The following UST variants were observed in gnomAD, a reference collection of about 807,000 sequenced individuals.
The protein encoded by UST is chondroitin sulfate 2-O-sulfotransferase.
In UST, 21 loss-of-function variants were observed where a neutral mutation model predicts 45.6. The observed-to-expected ratio is 0.46, with a 90% CI of 0.33 to 0.66. UST has a LOEUF of 0.66. Ranked by LOEUF, UST falls within the 30% of genes least tolerant of loss-of-function variation. UST has a pLI of 0.02. For missense variants in UST, 463 were observed against 512.4 expected (o/e 0.90, Z 0.93); for synonymous variants, 215 against 200.6 (o/e 1.07, Z -0.61).
At chr6:148,910,269 TA>T (rs1188874849) in intron 2 of UST, among the ~76,000 whole-genome samples, 14 of 151,952 alleles carry the variant, frequency 9.2e-5, no homozygotes, top group Non-Finnish European at 1.3e-4. Context: ...GCCTCCCAAG[TA>T]GCTGGGATAA....
At chr6:148,838,210 G>T (rs1007936534) in intron 1 of UST, among the ~76,000 whole-genome samples, 1 of 152,210 alleles carries the variant, frequency 6.6e-6, no homozygotes, top group Non-Finnish European at 1.5e-5. Flanking sequence ...CCACATGAAG[G>T]CCTGAGGGCG....
At position 148,926,949 on chromosome 6, in the gene UST, G is replaced by GTT. The variant is rs5880818; in HGVS notation, c.292-14322_292-14321dup. ...TAGTTAGTAATAGGTTTGAAAAAAT[G>GTT]TTTTTTTTTCATATTGAAGGTGAGG... is the stretch of plus-strand genomic sequence containing the variant. On this transcript the variant is annotated intron_variant, in intron 2 of 7. Coordinates refer to ENST00000367463, the MANE Select transcript of UST (RefSeq NM_005715.3). Among the ~76,000 whole-genome samples, 679 of 150,878 alleles carry GTT rather than the reference G, an allele frequency of 4.5e-3. 1 individual carries two copies. The highest frequency in any genetic ancestry group is 0.015 in the African/African-American group (613 of 41,092).
rs1776867069 is a variant in UST, at chr6:149,074,715, ACAGAGTGAGACTCTGT to A, written c.*601_*616del. The A allele has an allele frequency of 6.6e-6, 1 of 152,466 alleles. No individual in the cohort carries two copies. Among genetic ancestry groups the A allele is most frequent in the Non-Finnish European group, 1.5e-5 (1 of 68,370 alleles). The allele number at this position is 152,466 out of a possible 1,614,324, so 9.4% of individuals were successfully genotyped here. A position where few individuals can be genotyped will look rare whatever the true frequency, so the allele number is the denominator to read the frequency against. The stretch of plus-strand genomic sequence containing the variant: ...ACACCACTGCACTCCAGCCTGGGTG[ACAGAGTGAGACTCTGT>A]CTCAATTAATTTTTTTTTTTTAAAG... On this transcript the variant is annotated 3_prime_UTR_variant, in exon 8 of 8. Coordinates refer to ENST00000367463, the MANE Select transcript of UST (RefSeq NM_005715.3).
intron 7 of UST, among the ~76,000 whole-genome samples, chr6:149,072,910 A>G (rs58229843): frequency 0.041 from 6,178 of 152,284 alleles, 414 homozygotes; most frequent in African/African-American, 0.14. Flanking sequence ...AAGTTTTTGT[A>G]TAGACTCATG....
chr6:149,011,538 C>A (rs969307226), intron 5 of UST, among the ~76,000 whole-genome samples: 7 of 152,186 alleles, frequency 4.6e-5, no homozygotes, highest in African/African-American at 1.7e-4. Flanking sequence ...AGCATGTATG[C>A]TGACAATTCC....
intron 5 of UST, among the ~76,000 whole-genome samples, chr6:149,017,589 GTAGTC>G (rs1188381963): frequency 6.6e-6 from 1 of 151,506 alleles, no homozygotes; most frequent in Non-Finnish European, 1.5e-5. Flanking sequence ...ATATTGTCCT[GTAGTC>G]TATACTTTCA....
chr6:148,833,286 G>A (rs1010955726), intron 1 of UST, among the ~76,000 whole-genome samples: 6 of 152,156 alleles, frequency 3.9e-5, no homozygotes, highest in Non-Finnish European at 8.8e-5. Context: ...TCGGGAGTTG[G>A]AGACCAGCCT....
intron 2 of UST, among the ~76,000 whole-genome samples, chr6:148,940,830 T>C (rs1245238811): frequency 6.6e-6 from 1 of 152,224 alleles, no homozygotes; most frequent in Non-Finnish European, 1.5e-5. Flanking sequence ...TTTGGAGAAA[T>C]ATCTATTCAA....
intron 5 of UST, chr6:149,005,345 A>G: frequency 1.0e-6 from 1 of 985,406 alleles, no homozygotes; most frequent in Non-Finnish European, 1.2e-6. Flanking sequence ...CCCTGGCTGT[A>G]GAGGAAAGAA....
At position 148,946,510 on chromosome 6, in the gene UST, CAAAAAAA is replaced by C. The variant is rs71007930; in HGVS notation, c.447+5089_447+5095del. Among the ~76,000 whole-genome samples the C allele has an allele frequency of 1.0e-3, 34 of 33,942 alleles. 1 individual carries two copies. Among genetic ancestry groups the C allele is most frequent in the African/African-American group, 3.5e-3 (31 of 8,900 alleles). The allele number at this position is 33,942 out of a possible 152,430, so 22.3% of individuals were successfully genotyped here. A position where few individuals can be genotyped will look rare whatever the true frequency, so the allele number is the denominator to read the frequency against. On this transcript the variant is annotated intron_variant, in intron 3 of 7. Transcript: ENST00000367463. Reference sequence around the variant, plus strand: ...TGGGCGACAGAGCAAGACTCCATCTCAAAAAAAAAAAAAAAAAAAGGCCGGGTGCGGT... The same window carrying C: ...TGGGCGACAGAGCAAGACTCCATCTCAAAAAAAAAAAAGGCCGGGTGCGGT...
chr6:149,023,651 C>T (rs1473757074), intron 7 of UST, among the ~76,000 whole-genome samples: 3 of 152,168 alleles, frequency 2.0e-5, no homozygotes, highest in Non-Finnish European at 4.4e-5. Flanking sequence ...ACCATCCATC[C>T]TGAGGTCTGG....
At chr6:148,845,272 C>T (rs745807637) in intron 1 of UST, among the ~76,000 whole-genome samples, 35 of 152,140 alleles carry the variant, frequency 2.3e-4, no homozygotes, top group Non-Finnish European at 4.6e-4. Flanking sequence ...AGTGTATATG[C>T]GTTTCTGTTT....
chr6:148,887,368 C>T (rs1778931341), intron 2 of UST, among the ~76,000 whole-genome samples: 1 of 152,266 alleles, frequency 6.6e-6, no homozygotes, highest in Non-Finnish European at 1.5e-5. Context: ...CACACCCGGC[C>T]TCCCCATGCC....
intron 1 of UST, among the ~76,000 whole-genome samples, chr6:148,878,708 G>GGTCATGTATGAGTTCAGGA (rs148585321): frequency 0.43 from 56,331 of 130,410 alleles, 13,860 homozygotes; most frequent in African/African-American, 0.66. Context: ...TGAGTGCGGA[G>GGTCATGTATGAGTTCAGGA]GTCGTGTATG....
rs567590969 is a variant in UST at position 148,971,236 on chromosome 6, T to G, written c.681+6673T>G. ...GTGGCCAGTCATACATTTTTTTTTT[T>G]CTTCTACTAGTGACTCATCCACCAA... On this transcript the variant is annotated intron_variant, in intron 5 of 7. Transcript: ENST00000367463. Among the ~76,000 whole-genome samples, 1,340 of 147,450 alleles carry G rather than the reference T, an allele frequency of 9.1e-3. 11 individuals carry two copies. The highest frequency in any genetic ancestry group is 0.019 in the African/African-American group (750 of 39,934).
chr6:149,068,039 T>C (rs1404412629), intron 7 of UST, among the ~76,000 whole-genome samples: 1 of 152,168 alleles, frequency 6.6e-6, no homozygotes, highest in Non-Finnish European at 1.5e-5. Context: ...CCAATTTTTT[T>C]TTAATCGGCC....
chr6:148,942,994 T>C (rs73778969), intron 3 of UST, among the ~76,000 whole-genome samples: 2,993 of 144,208 alleles, frequency 0.021, 117 homozygotes, highest in African/African-American at 0.072. Flanking sequence ...CATTTAAGGA[T>C]ATTGCATTTT....
chr6:148,942,911 C>CA (rs1780156892), intron 3 of UST, among the ~76,000 whole-genome samples: 1 of 152,084 alleles, frequency 6.6e-6, no homozygotes, highest in Non-Finnish European at 1.5e-5. Flanking sequence ...TACCAATCAG[C>CA]AAAAAATATT....
At chr6:148,769,898 T>C (rs944259199) in intron 1 of UST, among the ~76,000 whole-genome samples, 1 of 152,008 alleles carries the variant, frequency 6.6e-6, no homozygotes, top group African/African-American at 2.4e-5. Context: ...GAAAAGACCT[T>C]CTAAGATTAT....
Sources: allele counts gnomAD v4.1 joint callset (sites outside exome capture counted in the v4.1 genomes callset), GRCh38; gene constraint gnomAD v4.1.1; transcripts MANE v1.5; gene names NCBI Gene and HGNC (gene_info 2026-07-23, HGNC 2026-07-21).